CSMD1: variants seen among roughly 807,000 people sequenced by gnomAD.
CSMD1 encodes CUB and Sushi multiple domains 1.
Under a neutral mutation model 417.5 loss-of-function variants are expected in CSMD1, and 213 were observed. That is an observed-to-expected ratio of 0.51 (90% confidence interval 0.46 to 0.57). The LOEUF (loss-of-function observed/expected upper bound fraction) is 0.57. Among genes scored for constraint, CSMD1 ranks in the 20% least tolerant of loss-of-function variants. The probability of loss-of-function intolerance (pLI) is 0.00; values close to 1 mark genes in which losing one functional copy is unlikely to be tolerated. For synonymous variants in CSMD1, 2,862 were observed against 1,736.8 expected, an observed-to-expected ratio of 1.65 and a Z score of -16.11; for missense variants, 6,923 against 4,529.7, an observed-to-expected ratio of 1.53 and a Z score of -15.17.
intron 1 of CSMD1, among the ~76,000 whole-genome samples, chr8:4,739,802 G>C (rs1003316901): frequency 6.6e-6 from 1 of 152,064 alleles, no homozygotes; most frequent in Non-Finnish European, 1.5e-5. Context: ...CTTACCTGCT[G>C]CAACAGCCTC....
intron 1 of CSMD1, among the ~76,000 whole-genome samples, chr8:4,764,905 A>AAAAC (rs1554473704): frequency 0.011 from 6 of 556 alleles, 1 homozygote; most frequent in African/African-American, 0.016. Flanking sequence ...CAACAACAAC[A>AAAAC]AAAAAAAACC....
chr8:4,329,341 T>C (rs574977477), intron 3 of CSMD1, among the ~76,000 whole-genome samples: 1 of 152,100 alleles, frequency 6.6e-6, no homozygotes, highest in Non-Finnish European at 1.5e-5. Flanking sequence ...CAGGCTGGAG[T>C]GCAGTGATGC....
intron 5 of CSMD1, among the ~76,000 whole-genome samples, chr8:3,781,456 C>G (rs746905089): frequency 1.4e-4 from 21 of 151,832 alleles, no homozygotes; most frequent in Non-Finnish European, 2.9e-5. Context: ...TCAGAGAATA[C>G]GGGTTAAGGG....
chr8:3,639,502 T>C (rs1160962476), intron 7 of CSMD1, among the ~76,000 whole-genome samples: 1 of 152,162 alleles, frequency 6.6e-6, no homozygotes, highest in African/African-American at 2.4e-5. Flanking sequence ...GAGCACTAAA[T>C]GACAGTAAAA....
chr8:3,668,979 G>T (rs868215828), intron 7 of CSMD1, among the ~76,000 whole-genome samples: 2 of 152,180 alleles, frequency 1.3e-5, no homozygotes, highest in Admixed American at 1.3e-4. Context: ...GAGCAACCAG[G>T]TTAGCCTGTG....
In CSMD1 at chr8:2,973,149, C is replaced by T. The variant is rs770299047; in HGVS notation, c.8891G>A (p.Gly2964Glu). 2 of 1,613,716 alleles carry T rather than the reference C, an allele frequency of 1.2e-6. No homozygotes were observed. Among genetic ancestry groups the T allele is most frequent in the Non-Finnish European group, 1.7e-6 (2 of 1,179,702 alleles). The change falls in exon 57 of 70, where the codon GGG becomes GAG. Residue 2964 changes from glycine to glutamate, a missense_variant. Gly to Glu is a moderately conservative substitution (Grantham distance 98). Transcript: ENST00000635120. ...CACCGGCTGCAGTCCTGACCATGAC[C>T]CATTGAGCAAACACGTGCGTTCAGG... ...GSPERTCLLN[G>E]SWSGLQPVCE...
At chr8:3,119,154 C>G (rs1016570239) in intron 41 of CSMD1, among the ~76,000 whole-genome samples, 2 of 151,564 alleles carry the variant, frequency 1.3e-5, no homozygotes, top group Non-Finnish European at 2.9e-5. Context: ...CGCTCCAGCC[C>G]GGGCGACAGA....
At chr8:3,931,015 T>C (rs1287531873) in intron 5 of CSMD1, among the ~76,000 whole-genome samples, 2 of 150,644 alleles carry the variant, frequency 1.3e-5, no homozygotes, top group Non-Finnish European at 3.0e-5. Flanking sequence ...CTAGCCATAG[T>C]GCTAATTTCC....
intron 3 of CSMD1, among the ~76,000 whole-genome samples, chr8:4,087,935 G>T (rs985709227): frequency 1.3e-5 from 2 of 152,096 alleles, no homozygotes; most frequent in African/African-American, 4.8e-5. Flanking sequence ...TTCCCCTTGT[G>T]ACCAAACAGG....
At chr8:3,614,282 A>C (rs1212809890) in intron 8 of CSMD1, among the ~76,000 whole-genome samples, 4 of 152,290 alleles carry the variant, frequency 2.6e-5, no homozygotes, top group Admixed American at 6.5e-5. Context: ...AAGATTCTAC[A>C]GAAACCTTAT....
At chr8:4,237,869 G>T (rs1053196523) in intron 3 of CSMD1, among the ~76,000 whole-genome samples, 9 of 152,080 alleles carry the variant, frequency 5.9e-5, no homozygotes, top group African/African-American at 2.2e-4. Flanking sequence ...TCTGGACAAT[G>T]CCTTATGTTC....
At chr8:3,631,173 G>T (rs574731452) in intron 7 of CSMD1, among the ~76,000 whole-genome samples, 1 of 152,266 alleles carries the variant, frequency 6.6e-6, no homozygotes, top group Non-Finnish European at 1.5e-5. Flanking sequence ...TAAACCGGCA[G>T]GACTCCTTCC....
At chr8:4,434,173 A>AC (rs1445650416) in intron 2 of CSMD1, among the ~76,000 whole-genome samples, 1 of 152,146 alleles carries the variant, frequency 6.6e-6, no homozygotes, top group Non-Finnish European at 1.5e-5. Flanking sequence ...ACCAGTCTCT[A>AC]CTAAAAATAC....
chr8:3,309,619 T>C (rs989211691), intron 23 of CSMD1, among the ~76,000 whole-genome samples: 3 of 147,620 alleles, frequency 2.0e-5, no homozygotes, highest in East Asian at 2.1e-4. Flanking sequence ...ATTTTGACAA[T>C]TGTAAAAGGG....
chr8:4,473,906 G>T (rs995007854), intron 2 of CSMD1, among the ~76,000 whole-genome samples: 2 of 152,010 alleles, frequency 1.3e-5, no homozygotes, highest in Non-Finnish European at 2.9e-5. Flanking sequence ...CAGTGAAAAA[G>T]AACAAACTAA....
intron 34 of CSMD1, among the ~76,000 whole-genome samples, chr8:3,189,602 A>G (rs967975244): frequency 1.3e-5 from 2 of 152,290 alleles, no homozygotes; most frequent in East Asian, 1.9e-4. Flanking sequence ...AATATAGCAA[A>G]TCAACATGAT....
chr8:3,314,759 A>T (rs1805618978), intron 23 of CSMD1, among the ~76,000 whole-genome samples: 1 of 152,220 alleles, frequency 6.6e-6, no homozygotes, highest in Non-Finnish European at 1.5e-5. Flanking sequence ...TGTATCTTCT[A>T]ACAATATTAG....
intron 3 of CSMD1, among the ~76,000 whole-genome samples, chr8:4,160,436 A>C (rs1797086375): frequency 6.6e-6 from 1 of 152,252 alleles, no homozygotes; most frequent in South Asian, 2.1e-4. Flanking sequence ...GTCCAGAATA[A>C]AGAATATATT....
chr8:3,935,606 C>A (rs1035259771), intron 5 of CSMD1, among the ~76,000 whole-genome samples: 4 of 152,080 alleles, frequency 2.6e-5, no homozygotes, highest in African/African-American at 9.7e-5. Flanking sequence ...TTTGTTGTAA[C>A]TATTGTAATT....
Sources: allele counts gnomAD v4.1 joint callset (sites outside exome capture counted in the v4.1 genomes callset), GRCh38; gene constraint gnomAD v4.1.1; transcripts MANE v1.5; gene names NCBI Gene and HGNC (gene_info 2026-07-23, HGNC 2026-07-21).